The following METAP2 variants were observed in gnomAD, a reference collection of about 807,000 sequenced individuals.
METAP2 encodes the protein methionyl aminopeptidase 2.
In METAP2, 25 loss-of-function variants were observed where a neutral mutation model predicts 59.4. The observed-to-expected ratio is 0.42, with a 90% CI of 0.31 to 0.59. The LOEUF (loss-of-function observed/expected upper bound fraction) is 0.59, where lower values mean the gene tolerates loss of function less well. METAP2 is among the 20% of genes least tolerant of loss of function. METAP2 has a pLI of 0.16. For missense variants in METAP2, 366 were observed against 581.2 expected (o/e 0.63, Z 3.81); for synonymous variants, 214 against 194.1 (o/e 1.10, Z -0.85).
At chr12:95,491,407 A>G (rs2076236909) in intron 4 of METAP2, among the ~76,000 whole-genome samples, 1 of 152,248 alleles carries the variant, frequency 6.6e-6, no homozygotes, top group Admixed American at 6.5e-5. Flanking sequence ...GGAATCAACT[A>G]TAGTTCCTTC....
intron 5 of METAP2, 26 bp from the exon 6 acceptor site, chr12:95,494,931 A>G: frequency 6.3e-7 from 1 of 1,589,252 alleles, no homozygotes; most frequent in Non-Finnish European, 8.6e-7. Flanking sequence ...AAAAGTAAAC[A>G]AGTTCCCTTT....
rs555157386 is a variant in METAP2, at chr12:95,502,866, A to G, written c.868-1199A>G. Among the ~76,000 whole-genome samples, 4 of 149,684 alleles carry G rather than the reference A, an allele frequency of 2.7e-5. No homozygotes were observed. In the East Asian group the frequency reaches 7.8e-4, roughly 29 times the overall value. On this transcript the variant is annotated intron_variant, in intron 7 of 10. Coordinates refer to ENST00000323666, the MANE Select transcript of METAP2 (RefSeq NM_006838.4). ...ATTCTCCTTGTGAATTTTTCATTTC[A>G]GTTACTGTACTTTTCAGCTCCAGAA...
intron 8 of METAP2, 68 bp downstream of exon 8, chr12:95,504,229 G>A: frequency 9.9e-7 from 1 of 1,014,362 alleles, no homozygotes; most frequent in African/African-American, 1.6e-5. Context: ...TGTTTTCTTT[G>A]GGTCAGCTGC....
At chr12:95,503,304 T>C (rs1229624076) in intron 7 of METAP2, among the ~76,000 whole-genome samples, 1 of 152,198 alleles carries the variant, frequency 6.6e-6, no homozygotes, top group African/African-American at 2.4e-5. Flanking sequence ...TCTCAGGTCT[T>C]TCCCTGGGCA....
chr12:95,501,538 A>T (rs2076315756), intron 7 of METAP2, among the ~76,000 whole-genome samples: 1 of 152,060 alleles, frequency 6.6e-6, no homozygotes, highest in South Asian at 2.1e-4. Context: ...AACGTGGTGA[A>T]ACCCCGTCTC....
intron 8 of METAP2, among the ~76,000 whole-genome samples, chr12:95,509,847 C>CTTTTT (rs1210964780): frequency 7.6e-6 from 1 of 131,634 alleles, no homozygotes; most frequent in East Asian, 2.2e-4. Flanking sequence ...CCCCCCCAAC[C>CTTTTT]TTTTTTTTTT....
At position 95,494,227 on chromosome 12, in the gene METAP2, A is replaced by G. The variant is rs774341974; in HGVS notation, c.590+10A>G. ...CAATGATAGAAATCTGGTAAAAGGA[A>G]TACTTCTTCGTAAGAACATGATAAA... On this transcript the variant is annotated intron_variant, in intron 5 of 10. Transcript: ENST00000323666. 4.4e-5 allele frequency: 71 copies of G among 1,607,500 alleles called. No homozygotes were observed. Among genetic ancestry groups the G allele is most frequent in the Non-Finnish European group, 2.5e-5 (29 of 1,175,930 alleles).
At chr12:95,512,299 T>C (rs968064697) in intron 9 of METAP2, among the ~76,000 whole-genome samples, 2 of 152,094 alleles carry the variant, frequency 1.3e-5, no homozygotes, top group Admixed American at 6.5e-5. Flanking sequence ...ACATAATTCA[T>C]AGGGGGAAGC....
At chr12:95,494,034 G>A in intron 4 of METAP2, 22 bp from the exon 5 acceptor site, 3 of 1,606,722 alleles carry the variant, frequency 1.9e-6, no homozygotes, top group Non-Finnish European at 2.6e-6. Context: ...ATCACTAATA[G>A]TATTCTATGC....
chr12:95,490,743 A>G (rs1269782674), intron 4 of METAP2, among the ~76,000 whole-genome samples: 1 of 152,002 alleles, frequency 6.6e-6, no homozygotes, highest in African/African-American at 2.4e-5. Flanking sequence ...TGAGGTTCTC[A>G]TTGCATATGG....
intron 4 of METAP2, among the ~76,000 whole-genome samples, chr12:95,489,677 T>C (rs1335698900): frequency 6.6e-6 from 1 of 152,210 alleles, no homozygotes; most frequent in Non-Finnish European, 1.5e-5. Context: ...AAACTTCTTA[T>C]TTTGTACAAA....
chr12:95,491,798 G>C (rs1028528804), intron 4 of METAP2, among the ~76,000 whole-genome samples: 1 of 148,864 alleles, frequency 6.7e-6, no homozygotes, highest in Non-Finnish European at 1.5e-5. Flanking sequence ...AGGTGTGAGC[G>C]ACCATGCCTG....
intron 7 of METAP2, among the ~76,000 whole-genome samples, chr12:95,503,568 C>T (rs2076332447): frequency 6.6e-6 from 1 of 152,182 alleles, no homozygotes; most frequent in Non-Finnish European, 1.5e-5. Context: ...ACTTCTGTAT[C>T]TGCGCCTATG....
chr12:95,494,259 T>G, intron 5 of METAP2, 42 bp downstream of exon 5: 1 of 1,564,634 alleles, frequency 6.4e-7, no homozygotes, highest in Non-Finnish European at 8.7e-7. Flanking sequence ...TAAAAAATGT[T>G]TTATTAAGTA....
chr12:95,484,820 G>T, intron 3 of METAP2: 2 of 451,222 alleles, frequency 4.4e-6, no homozygotes, highest in South Asian at 3.2e-5. Context: ...TTTAATGTTG[G>T]CTACTAAAGG....
At chr12:95,513,145 C>G (rs1247462480) in intron 10 of METAP2, among the ~76,000 whole-genome samples, 1 of 141,106 alleles carries the variant, frequency 7.1e-6, no homozygotes, top group Non-Finnish European at 1.5e-5. Flanking sequence ...GTGCTCTCTT[C>G]AAGTCCGGTT....
At chr12:95,493,923 C>A in intron 4 of METAP2, 133 bp from the exon 5 acceptor site, 2 of 704,244 alleles carry the variant, frequency 2.8e-6, no homozygotes, top group South Asian at 4.0e-5. Flanking sequence ...TTTTGTATTT[C>A]AGAAACTTTA....
chr12:95,509,184 A>T (rs1277526453), intron 8 of METAP2, among the ~76,000 whole-genome samples: 1 of 152,228 alleles, frequency 6.6e-6, no homozygotes, highest in East Asian at 1.9e-4. Context: ...TAACTAACAT[A>T]TTAGGTTGGT....
chr12:95,497,899 G>A (rs906035223), intron 7 of METAP2, among the ~76,000 whole-genome samples: 3 of 151,636 alleles, frequency 2.0e-5, no homozygotes, highest in Non-Finnish European at 4.4e-5. Flanking sequence ...AGGCCAAGGC[G>A]GGTGGATCAC....
Sources: gnomAD v4.1 joint callset for allele counts (sites outside exome capture counted in the v4.1 genomes callset) on GRCh38, gnomAD v4.1.1 for gene constraint, MANE v1.5 for transcripts, NCBI Gene and HGNC (gene_info 2026-07-23, HGNC 2026-07-21) for gene names.